Variants in EPC2 observed in about 807,000 individuals in gnomAD.
EPC2 encodes enhancer of polycomb 2, also known as enhancer of polycomb homolog 2.
EPC2 carries 14 observed loss-of-function variants against 92.1 expected under a neutral mutation model. The observed-to-expected ratio is 0.15, with a 90% CI of 0.10 to 0.24. EPC2 has a LOEUF of 0.24. Among genes scored for constraint, EPC2 ranks in the 10% least tolerant of loss-of-function variants. The probability of loss-of-function intolerance (pLI) is 1.00; values close to 1 mark genes in which losing one functional copy is unlikely to be tolerated. For missense variants in EPC2, 755 were observed against 971.5 expected (o/e 0.78, Z 2.96); for synonymous variants, 340 against 334.7 (o/e 1.02, Z -0.17).
At position 148,696,291 on chromosome 2, in the gene EPC2, A is replaced by G. The variant is rs142080351; in HGVS notation, c.313+5918A>G. On this transcript the variant is annotated intron_variant, in intron 2 of 13. Transcript: ENST00000258484. Reference sequence around the variant, plus strand: ...CAGTGAGACCTTGTCACTACAGGAGAAAAAAAAGGTAATGCCAGACATTGT... The same window carrying G: ...CAGTGAGACCTTGTCACTACAGGAGGAAAAAAAGGTAATGCCAGACATTGT... Among the ~76,000 whole-genome samples, 6 of 152,172 alleles carry G rather than the reference A, an allele frequency of 3.9e-5. No individual in the cohort carries two copies. In the East Asian group the frequency reaches 5.8e-4, roughly 15 times the overall value.
chr2:148,775,658 A>AAATTAAATAAAATTTAATTT (rs1553451003), intron 10 of EPC2, among the ~76,000 whole-genome samples: 9 of 138,594 alleles, frequency 6.5e-5, no homozygotes, highest in African/African-American at 1.9e-4. Context: ...TCTTTAAATA[A>AAATTAAATAAAATTTAATTT]AATTAAATAA....
At chr2:148,751,169 G>A (rs995086607) in intron 3 of EPC2, among the ~76,000 whole-genome samples, 3 of 151,896 alleles carry the variant, frequency 2.0e-5, no homozygotes, top group Non-Finnish European at 4.4e-5. Flanking sequence ...CTAGTTGACT[G>A]TTTTGTAAAT....
At chr2:148,679,235 G>A (rs1681340506) in intron 1 of EPC2, among the ~76,000 whole-genome samples, 5 of 152,124 alleles carry the variant, frequency 3.3e-5, no homozygotes, top group Admixed American at 3.3e-4. Flanking sequence ...TACTAGGACA[G>A]GTTTTTCATC....
At position 148,754,129 on chromosome 2, in the gene EPC2, G is replaced by A. The variant is rs2105416729; in HGVS notation, c.662G>A (p.Arg221Gln). ...FRRRTEKMQT[R>Q]KNRKNDEASY... ...AGAAGAACAGAGAAAATGCAAACTC[G>A]AAAGGTAATGTGCAAATTAGGTTTC... Residue 221 changes from arginine (R) to glutamine (Q), a missense_variant, in exon 4 of 14, where the codon CGA becomes CAA. Physicochemically the swap from Arg to Gln is conservative, Grantham distance 43 (BLOSUM62 1). Coordinates refer to ENST00000258484, the MANE Select transcript of EPC2 (RefSeq NM_015630.4). 6.3e-7 allele frequency: 1 copy of A among 1,592,942 alleles called. No individual in the cohort carries two copies. The highest frequency in any genetic ancestry group is 8.6e-7 in the Non-Finnish European group (1 of 1,169,448).
chr2:148,669,474 T>C (rs563371481), intron 1 of EPC2, among the ~76,000 whole-genome samples: 2 of 152,130 alleles, frequency 1.3e-5, no homozygotes, highest in East Asian at 3.9e-4. Context: ...GTCAGGAGTT[T>C]GAGACCAGAC....
chr2:148,666,470 A>G (rs1004700120), intron 1 of EPC2, among the ~76,000 whole-genome samples: 49 of 152,226 alleles, frequency 3.2e-4, no homozygotes, highest in African/African-American at 9.2e-4. Context: ...AAAAATTTTT[A>G]ATTTATTGCA....
At chr2:148,712,218 T>C (rs1021609419) in intron 2 of EPC2, among the ~76,000 whole-genome samples, 4 of 152,094 alleles carry the variant, frequency 2.6e-5, no homozygotes, top group African/African-American at 9.7e-5. Flanking sequence ...TCTTAGCATA[T>C]CTATCATACT....
At chr2:148,705,855 T>A (rs2105380389) in intron 2 of EPC2, among the ~76,000 whole-genome samples, 1 of 152,208 alleles carries the variant, frequency 6.6e-6, no homozygotes, top group East Asian at 1.9e-4. Context: ...GTCACCATCA[T>A]CAAAGACCAA....
At chr2:148,755,968 C>T (rs1683182923) in intron 4 of EPC2, among the ~76,000 whole-genome samples, 1 of 152,170 alleles carries the variant, frequency 6.6e-6, no homozygotes, top group Admixed American at 6.5e-5. Context: ...AGACCATTAG[C>T]AATGCCTTTT....
intron 2 of EPC2, among the ~76,000 whole-genome samples, chr2:148,739,637 A>G (rs1417778593): frequency 6.6e-6 from 1 of 152,094 alleles, no homozygotes; most frequent in Non-Finnish European, 1.5e-5. Flanking sequence ...CCACTTCCTT[A>G]CCTACACAGA....
intron 1 of EPC2, among the ~76,000 whole-genome samples, chr2:148,679,344 A>G (rs1301969847): frequency 1.3e-5 from 2 of 152,226 alleles, no homozygotes; most frequent in Admixed American, 6.5e-5. Flanking sequence ...AACTAAGAGC[A>G]AATCACCTGT....
Position 148,786,338 on chromosome 2 carries a change from T to A in EPC2, c.2385T>A (p.Asn795Lys). The change falls in exon 14 of 14, where the codon AAT (asparagine) becomes AAA (lysine). Residue 795 changes from asparagine to lysine, a missense_variant. Physicochemically the swap from Asn to Lys is moderately conservative, Grantham distance 94. This residue lies in a region of EPC2 where 207 missense variants were observed against 260.5 expected (regional missense o/e 0.79). Coordinates refer to ENST00000258484, the MANE Select transcript of EPC2 (RefSeq NM_015630.4). ...ACGAACCAGAAAGATTGGGCTTAAATGGAATAGCAGAGACAACAGTAGCTA... is the reference window on the plus strand; with the variant it reads ...ACGAACCAGAAAGATTGGGCTTAAAAGGAATAGCAGAGACAACAGTAGCTA... ...ENHEPERLGL[N>K]GIAETTVAME... 6.2e-7 allele frequency: 1 copy of A among 1,612,040 alleles called. No homozygotes were observed. The highest frequency in any genetic ancestry group is 8.5e-7 in the Non-Finnish European group (1 of 1,179,052).
intron 5 of EPC2, among the ~76,000 whole-genome samples, chr2:148,762,407 T>C (rs549581033): frequency 6.6e-6 from 1 of 152,190 alleles, no homozygotes; most frequent in Admixed American, 6.5e-5. Context: ...GAGTAAGCAT[T>C]CTAAACATTT....
At chr2:148,752,770 T>G (rs1405176464) in intron 3 of EPC2, among the ~76,000 whole-genome samples, 2 of 152,186 alleles carry the variant, frequency 1.3e-5, no homozygotes, top group East Asian at 3.8e-4. Context: ...ATCAGTGCAT[T>G]TATTCCATGA....
chr2:148,785,324 C>G (rs1479127063), intron 13 of EPC2, among the ~76,000 whole-genome samples: 1 of 151,968 alleles, frequency 6.6e-6, no homozygotes, highest in Non-Finnish European at 1.5e-5. Flanking sequence ...TTACTCTTCC[C>G]CCCACTGCCC....
chr2:148,710,754 C>A (rs1682122203), intron 2 of EPC2, among the ~76,000 whole-genome samples: 1 of 152,140 alleles, frequency 6.6e-6, no homozygotes, highest in Admixed American at 6.5e-5. Flanking sequence ...GGGCAAAAAA[C>A]CAAACACCGC....
At chr2:148,693,410 C>G (rs771392522) in intron 2 of EPC2, among the ~76,000 whole-genome samples, 4 of 152,092 alleles carry the variant, frequency 2.6e-5, no homozygotes, top group Non-Finnish European at 4.4e-5. Flanking sequence ...TAATTACTAT[C>G]CATTTCAAAA....
Position 148,762,604 on chromosome 2 carries a change from C to T in EPC2, c.816-66C>T, listed in dbSNP as rs369279688. On this transcript the variant is annotated intron_variant, in intron 5 of 13. Coordinates refer to ENST00000258484, the MANE Select transcript of EPC2 (RefSeq NM_015630.4). ...GGTGACTTCCAATTAATTGAGGTAT[C>T]ACTTATTTTCCTTCTTTATTGTCAA... 5.6e-4 allele frequency: 657 copies of T among 1,167,868 alleles called. 11 individuals are homozygous for T. The South Asian group carries it at 0.012, about 21-fold the overall frequency. The allele number at this position is 1,167,868 out of a possible 1,614,324, so 72.3% of individuals were successfully genotyped here.
intron 10 of EPC2, among the ~76,000 whole-genome samples, chr2:148,772,017 T>G (rs1237867315): frequency 6.6e-6 from 1 of 152,148 alleles, no homozygotes; most frequent in Admixed American, 6.5e-5. Context: ...CAGGCCAGTC[T>G]CGAAATCCTG....
Sources: gnomAD v4.1 joint callset for allele counts (sites outside exome capture counted in the v4.1 genomes callset) on GRCh38, gnomAD v4.1.1 for gene constraint, gnomAD v4.1.1 regional missense constraint, MANE v1.5 for transcripts, NCBI Gene and HGNC (gene_info 2026-07-23, HGNC 2026-07-21) for gene names.